PDE12: variants seen among roughly 807,000 people sequenced by gnomAD.
The protein encoded by PDE12 is phosphodiesterase 12, also known as 2',5'-phosphodiesterase 12.
Under a neutral mutation model 45.4 loss-of-function variants are expected in PDE12, and 26 were observed. That is an observed-to-expected ratio of 0.57 (90% confidence interval 0.42 to 0.79). The LOEUF (loss-of-function observed/expected upper bound fraction) is 0.79, where lower values mean the gene tolerates loss of function less well. Among genes scored for constraint, PDE12 ranks in the 30% least tolerant of loss-of-function variants. PDE12 has a pLI of 0.00. For missense variants in PDE12, 668 were observed against 790.0 expected (o/e 0.85, Z 1.85); for synonymous variants, 283 against 323.9 (o/e 0.87, Z 1.36).
At chr3:57,642,541 A>T in the PDE12 span, among the ~76,000 whole-genome samples, 5 of 152,176 alleles carry the variant, frequency 3.3e-5, no homozygotes, top group Admixed American at 1.3e-4. Context: ...AGAGTTTAGC[A>T]TTCCTGGAGC....
chr3:57,560,706 T>C lies in PDE12; in HGVS notation c.*702T>C. The stretch of plus-strand genomic sequence containing the variant: ...GTACCATTTGAATGATCTTAATTTT[T>C]CTTTCATGACAACACATTCCAAAAT... On this transcript the variant is annotated 3_prime_UTR_variant, in exon 3 of 3. Coordinates refer to ENST00000311180, the MANE Select transcript of PDE12 (RefSeq NM_177966.7). 1.0e-6 allele frequency: 1 copy of C among 984,074 alleles called. No individual in the cohort carries two copies. Among genetic ancestry groups the C allele is most frequent in the Non-Finnish European group, 1.2e-6 (1 of 828,418 alleles). The allele number at this position is 984,074 out of a possible 1,614,324, so 61.0% of individuals were successfully genotyped here.
the PDE12 span, among the ~76,000 whole-genome samples, chr3:57,611,330 C>A: frequency 6.6e-6 from 1 of 152,126 alleles, no homozygotes; most frequent in Non-Finnish European, 1.5e-5. Flanking sequence ...TGGGCAAGGA[C>A]TTCATGTCTA....
the PDE12 span, among the ~76,000 whole-genome samples, chr3:57,613,983 C>G: frequency 1.4e-5 from 2 of 147,654 alleles, no homozygotes; most frequent in African/African-American, 5.0e-5. Flanking sequence ...ACCCTGCTAA[C>G]TAACACTAGT....
chr3:57,611,757 A>T, the PDE12 span, among the ~76,000 whole-genome samples: 1 of 152,208 alleles, frequency 6.6e-6, no homozygotes, highest in Admixed American at 6.5e-5. Context: ...GAGGATGTGG[A>T]GAAATAGGAA....
At chr3:57,599,753 G>T in the PDE12 span, among the ~76,000 whole-genome samples, 1 of 151,938 alleles carries the variant, frequency 6.6e-6, no homozygotes, top group African/African-American at 2.4e-5. Flanking sequence ...AAATAATCAG[G>T]GTCAGAGAGA....
At chr3:57,590,450 C>T in the PDE12 span, among the ~76,000 whole-genome samples, 1 of 152,070 alleles carries the variant, frequency 6.6e-6, no homozygotes, top group African/African-American at 2.4e-5. Flanking sequence ...TGCGCCACTG[C>T]ACTCTAGCCT....
At chr3:57,651,815 G>A in the PDE12 span, among the ~76,000 whole-genome samples, 1 of 152,116 alleles carries the variant, frequency 6.6e-6, no homozygotes, top group Non-Finnish European at 1.5e-5. Context: ...GCTAAACTGG[G>A]ACAATTTGAA....
the PDE12 span, among the ~76,000 whole-genome samples, chr3:57,605,208 T>A: frequency 6.6e-6 from 1 of 152,068 alleles, no homozygotes; most frequent in Non-Finnish European, 1.5e-5. Context: ...GGTGGAGTCT[T>A]TGAGCCGAGA....
the PDE12 span, among the ~76,000 whole-genome samples, chr3:57,582,764 TAAAAA>T: frequency 7.6e-6 from 1 of 131,316 alleles, no homozygotes; most frequent in Non-Finnish European, 1.7e-5. Flanking sequence ...TATTAAGTAA[TAAAAA>T]AAAACTGACA....
the PDE12 span, among the ~76,000 whole-genome samples, chr3:57,603,974 G>T: frequency 1.4e-5 from 2 of 146,894 alleles, no homozygotes; most frequent in African/African-American, 5.1e-5. Flanking sequence ...GCCCAGGCTA[G>T]AATGCAGTGG....
the PDE12 span, among the ~76,000 whole-genome samples, chr3:57,594,967 AGT>A: frequency 1.3e-5 from 2 of 152,208 alleles, no homozygotes; most frequent in African/African-American, 2.4e-5. Context: ...TTGTGACTGA[AGT>A]GTTTTTTAGT....
chr3:57,557,657 G>A lies in PDE12; in HGVS notation c.1278G>A (p.Glu426=), dbSNP rs1269512299. ...TAGTTTTGTACCCATCAGCGCAGGAGAAGGTGCTCCAGAGATCTTCTGTTC... is the reference window on the plus strand; with the variant it reads ...TAGTTTTGTACCCATCAGCGCAGGAAAAGGTGCTCCAGAGATCTTCTGTTC... ...EKLVLYPSAQ[E]KVLQRSSVLQ... The change falls in exon 1 of 3, where the codon GAG becomes GAA. Residue 426 remains glutamate, a synonymous_variant. Coordinates refer to ENST00000311180, the MANE Select transcript of PDE12 (RefSeq NM_177966.7). 1.9e-6 allele frequency: 3 copies of A among 1,613,940 alleles called. No individual in the cohort carries two copies. Among genetic ancestry groups the A allele is most frequent in the Non-Finnish European group, 2.5e-6 (3 of 1,180,010 alleles).
chr3:57,624,597 C>G, the PDE12 span, among the ~76,000 whole-genome samples: 1 of 151,724 alleles, frequency 6.6e-6, no homozygotes, highest in South Asian at 2.1e-4. Flanking sequence ...AACCCCGTCT[C>G]TACTAAAAAT....
the PDE12 span, among the ~76,000 whole-genome samples, chr3:57,623,690 A>G: frequency 6.6e-6 from 1 of 152,190 alleles, no homozygotes; most frequent in African/African-American, 2.4e-5. Context: ...AAAAAATAAA[A>G]TCACTCACTT....
chr3:57,557,383 TC>T lies in PDE12; in HGVS notation c.1006del (p.Gln336ArgfsTer30). 6.2e-7 allele frequency: 1 copy of T among 1,613,986 alleles called. No individual in the cohort carries two copies. The highest frequency in any genetic ancestry group is 8.5e-7 in the Non-Finnish European group (1 of 1,180,004). On this transcript the variant is annotated frameshift_variant, in exon 1 of 3. Coordinates refer to ENST00000311180, the MANE Select transcript of PDE12 (RefSeq NM_177966.7). LOFTEE classifies it high-confidence loss of function. ...GAGCTCGACTACCGCCAGAACCTTA[TC>T]CAGAAGGAACTCACCGGCTACAACG... is the stretch of plus-strand genomic sequence containing the variant. The part of the protein sequence containing the change: ...ALELDYRQNL[I>X]QKELTGYNAD...
chr3:57,557,114 G>A lies in PDE12; in HGVS notation c.735G>A (p.Arg245=), dbSNP rs1036134996. ...CGTCCAATGCCGACATCGGGCTAAG[G>A]CTCAAGCTTCACTGCACCCCAGGCG... is the stretch of plus-strand genomic sequence containing the variant. The part of the protein sequence containing the change: ...YTPSNADIGL[R]LKLHCTPGDG... Residue 245 remains arginine (R), a synonymous_variant, in exon 1 of 3, where the codon AGG becomes AGA. Coordinates refer to ENST00000311180, the MANE Select transcript of PDE12 (RefSeq NM_177966.7). 2.0e-5 allele frequency: 33 copies of A among 1,613,954 alleles called. No homozygotes were observed. Among genetic ancestry groups the A allele is most frequent in the Non-Finnish European group, 2.7e-5 (32 of 1,180,030 alleles).
At chr3:57,604,501 C>T in the PDE12 span, among the ~76,000 whole-genome samples, 660 of 152,046 alleles carry the variant, frequency 4.3e-3, 2 homozygotes, top group African/African-American at 0.015. Context: ...GTGGCCCACA[C>T]TTGTAGTCCC....
chr3:57,632,052 A>C, the PDE12 span, among the ~76,000 whole-genome samples: 16 of 97,376 alleles, frequency 1.6e-4, no homozygotes, highest in Admixed American at 2.8e-4. Context: ...ACGGAGTCTC[A>C]CTCTTTCGCC....
At chr3:57,645,630 T>C in the PDE12 span, 8 of 1,528,058 alleles carry the variant, frequency 5.2e-6, no homozygotes, top group East Asian at 2.3e-5. Flanking sequence ...ATAAAGGTAA[T>C]ACCTGGTCAA....
Sources: gnomAD v4.1 joint callset for allele counts (sites outside exome capture counted in the v4.1 genomes callset) on GRCh38, gnomAD v4.1.1 for gene constraint, MANE v1.5 for transcripts, NCBI Gene and HGNC (gene_info 2026-07-23, HGNC 2026-07-21) for gene names.